The following DHX29 variants were observed in gnomAD, a reference collection of about 807,000 sequenced individuals.
DHX29 encodes the protein ATP-dependent RNA helicase DHX29.
In DHX29, 79 loss-of-function variants were observed where a neutral mutation model predicts 167.9. The observed-to-expected ratio is 0.47, with a 90% confidence interval of 0.39 to 0.57. The LOEUF (loss-of-function observed/expected upper bound fraction) is 0.57, where lower values mean the gene tolerates loss of function less well. DHX29 is among the 20% of genes least tolerant of loss of function. The pLI is 0.00. For missense variants in DHX29, 1,347 were observed against 1,593.4 expected (o/e 0.85, Z 2.63); for synonymous variants, 530 against 546.0 (o/e 0.97, Z 0.41).
rs1288369663 is a variant in DHX29, at chr5:55,286,115, G to A, written c.1067-254C>T. On this transcript the variant is annotated intron_variant, in intron 8 of 26. Transcript: ENST00000251636. ...TAAAAGTACAAAAAAATTATTCGGC[G>A]TGGTGGCGGGCGCCTGTAGTCCCAG... 3.3e-5 allele frequency among the ~76,000 whole-genome samples: 5 copies of A among 151,974 alleles called. No homozygotes were observed. In the East Asian group the frequency reaches 5.8e-4, roughly 18 times the overall value.
chr5:55,273,235 G>A, intron 17 of DHX29, 58 bp downstream of exon 17: 6 of 1,483,340 alleles, frequency 4.0e-6, no homozygotes, highest in South Asian at 1.4e-5. Flanking sequence ...AAAGTTATAC[G>A]GCCATCATAA....
intron 12 of DHX29, among the ~76,000 whole-genome samples, chr5:55,280,479 T>C (rs1747347446): frequency 6.6e-6 from 1 of 152,162 alleles, no homozygotes; most frequent in Non-Finnish European, 1.5e-5. Flanking sequence ...AAAATTAGCA[T>C]TTTGGTTCAT....
Position 55,261,637 on chromosome 5 carries a change from AT to A in DHX29, c.3829-139del, listed in dbSNP as rs1225952815. ...AGAGTATTTGTAAAGCTACATTTTC[AT>A]TTTCTTATGTGCATAATTTATCAAT... On this transcript the variant is annotated intron_variant, in intron 24 of 26. Transcript: ENST00000251636. 7.8e-6 allele frequency: 5 copies of A among 640,538 alleles called. No individual in the cohort carries two copies. The Admixed American group carries it at 1.4e-4, about 18-fold the overall frequency. 39.7% of individuals were successfully genotyped at this position (640,538 alleles called of 1,614,324 possible).
chr5:55,271,418 G>A (rs1396306738), intron 18 of DHX29, among the ~76,000 whole-genome samples: 1 of 152,208 alleles, frequency 6.6e-6, no homozygotes, highest in Admixed American at 6.5e-5. Context: ...ATTGCCTGAG[G>A]TCAGGAGTTC....
rs753646587 is a variant in DHX29 at position 55,270,559 on chromosome 5, T to G, written c.2993+19A>C. ...CAATACTGGTTTATGTGTTTTACAT[T>G]TCCAGTGCTATGCCATACCTTTCTC... On this transcript the variant is annotated intron_variant, in intron 19 of 26. Transcript: ENST00000251636. 86 of 1,613,874 alleles carry G rather than the reference T, an allele frequency of 5.3e-5. No homozygotes were observed. Among genetic ancestry groups the G allele is most frequent in the Non-Finnish European group, 6.9e-5 (82 of 1,180,000 alleles).
At chr5:55,298,525 A>T in intron 2 of DHX29, 66 bp downstream of exon 2, 1 of 933,930 alleles carries the variant, frequency 1.1e-6, no homozygotes, top group African/African-American at 1.6e-5. Flanking sequence ...ATTTAAGGAT[A>T]CATCTTTTTT....
chr5:55,301,734 A>C (rs914668972), intron 1 of DHX29, among the ~76,000 whole-genome samples: 14 of 151,472 alleles, frequency 9.2e-5, no homozygotes, highest in African/African-American at 3.4e-4. Flanking sequence ...AAAAAAAAAA[A>C]AACAAGAATG....
intron 24 of DHX29, among the ~76,000 whole-genome samples, chr5:55,262,250 C>T (rs1288200825): frequency 6.6e-6 from 1 of 152,188 alleles, no homozygotes; most frequent in African/African-American, 2.4e-5. Context: ...AAATCATCCA[C>T]AGTTCTACTA....
intron 20 of DHX29, 139 bp from the exon 21 acceptor site, chr5:55,269,776 A>G: frequency 1.5e-6 from 1 of 652,810 alleles, no homozygotes; most frequent in Non-Finnish European, 2.6e-6. Context: ...CTATCCTGTT[A>G]TTTTTTTTAT....
At chr5:55,270,913 G>A (rs1746823836) in intron 18 of DHX29, among the ~76,000 whole-genome samples, 1 of 152,020 alleles carries the variant, frequency 6.6e-6, no homozygotes, top group Non-Finnish European at 1.5e-5. Context: ...TCTGGCAAAA[G>A]AAAAAAATTA....
chr5:55,295,074 A>G (rs1748244864), intron 5 of DHX29: 1 of 230,862 alleles, frequency 4.3e-6, no homozygotes, highest in African/African-American at 2.3e-5. Context: ...CAGCTTAGTC[A>G]TGGGAGTGAA....
intron 1 of DHX29, among the ~76,000 whole-genome samples, chr5:55,299,036 CAAAAAAAAAAAAA>C (rs35986300): frequency 2.6e-5 from 2 of 76,164 alleles, no homozygotes; most frequent in African/African-American, 4.7e-5. Context: ...GACTCCGTCT[CAAAAAAAAAAAAA>C]AAAAAAAAAA....
At position 55,269,416 on chromosome 5, in the gene DHX29, T is replaced by C. The variant is rs780597164; in HGVS notation, c.3291A>G (p.Pro1097=). The change falls in exon 21 of 27, where the codon CCA becomes CCG. Residue 1097 remains proline, a synonymous_variant. Transcript: ENST00000251636. The stretch of plus-strand genomic sequence containing the variant: ...GCAGCAGCATTGTTTGACTTACCAC[T>C]GGGTCAAGGCAGCCAAATATGGCAC... ...IFGAIFGCLD[P]VATLAAVMTE... 1 of 1,612,454 alleles carries C rather than the reference T, an allele frequency of 6.2e-7. No individual in the cohort carries two copies. Among genetic ancestry groups the C allele is most frequent in the Non-Finnish European group, 8.5e-7 (1 of 1,179,900 alleles).
chr5:55,265,973 G>C (rs918175105), intron 23 of DHX29, among the ~76,000 whole-genome samples: 1 of 151,892 alleles, frequency 6.6e-6, no homozygotes, highest in Non-Finnish European at 1.5e-5. Context: ...GAGAAATGTA[G>C]ATTCTCTCCT....
At chr5:55,256,620 G>A (rs748430774) in intron 26 of DHX29, 80 bp from the exon 27 acceptor site, 4 of 1,318,810 alleles carry the variant, frequency 3.0e-6, no homozygotes, top group Non-Finnish European at 1.0e-6. Context: ...TAAATAAGAG[G>A]TATATGTCAC....
At chr5:55,267,548 T>C (rs181126528) in intron 22 of DHX29, 138 bp downstream of exon 22, 1 of 738,834 alleles carries the variant, frequency 1.4e-6, no homozygotes, top group East Asian at 2.9e-5. Flanking sequence ...TCTAACATAA[T>C]TATACCTTGA....
rs1370677857 is a variant in DHX29 at position 55,274,734 on chromosome 5, GA to G, written c.2573-4del. 6.3e-7 allele frequency: 1 copy of G among 1,579,216 alleles called. No homozygotes were observed. Among genetic ancestry groups the G allele is most frequent in the Non-Finnish European group, 8.6e-7 (1 of 1,168,634 alleles). On this transcript the variant is annotated splice_region_variant and splice_polypyrimidine_tract_variant and intron_variant, in intron 15 of 26. Coordinates refer to ENST00000251636, the MANE Select transcript of DHX29 (RefSeq NM_019030.4). ...ATTTCTGAATTGGGGACTTTTATCTGAAATTTTTAAAAAGATACAATATTCA... is the reference window on the plus strand; with the variant it reads ...ATTTCTGAATTGGGGACTTTTATCTGAATTTTTAAAAAGATACAATATTCA...
chr5:55,278,711 T>C (rs1011612817), intron 12 of DHX29, among the ~76,000 whole-genome samples: 2 of 151,484 alleles, frequency 1.3e-5, no homozygotes, highest in Admixed American at 6.6e-5. Flanking sequence ...GGAATGAGTA[T>C]GAAAAGAAAA....
At position 55,307,631 on chromosome 5, in the gene DHX29, G is replaced by C. The variant is rs1459071954; in HGVS notation, c.-58C>G. On this transcript the variant is annotated 5_prime_UTR_variant, in exon 1 of 27. Coordinates refer to ENST00000251636, the MANE Select transcript of DHX29 (RefSeq NM_019030.4). ...CAGGCCCCGACGGTACCACTGCACA[G>C]CCGAGAGCTCTTCACATTCCCCGGC... 5.0e-6 allele frequency: 8 copies of C among 1,587,930 alleles called. No individual in the cohort carries two copies. The highest frequency in any genetic ancestry group is 6.9e-6 in the Non-Finnish European group (8 of 1,167,716).
Sources: allele counts gnomAD v4.1 joint callset (sites outside exome capture counted in the v4.1 genomes callset), GRCh38; gene constraint gnomAD v4.1.1; transcripts MANE v1.5; gene names NCBI Gene and HGNC (gene_info 2026-07-23, HGNC 2026-07-21).